Variants in CSMD1 observed in about 807,000 individuals in gnomAD.
CSMD1 encodes the protein CUB and sushi domain-containing protein 1.
A neutral mutation model predicts 417.5 loss-of-function variants in CSMD1; 213 were observed. The ratio of observed to expected loss-of-function variants is 0.51; its 90% CI spans 0.46 to 0.57. The LOEUF is 0.57. CSMD1 is among the 20% of genes least tolerant of loss of function. CSMD1 has a pLI of 0.00. For missense variants in CSMD1, 6,923 were observed against 4,529.7 expected, an observed-to-expected ratio of 1.53 and a Z score of -15.17; for synonymous variants, 2,862 against 1,736.8, an observed-to-expected ratio of 1.65 and a Z score of -16.11.
At chr8:4,765,983 T>G (rs575492114) in intron 1 of CSMD1, among the ~76,000 whole-genome samples, 2 of 152,274 alleles carry the variant, frequency 1.3e-5, no homozygotes, top group South Asian at 4.1e-4. Flanking sequence ...GATTAAAAAA[T>G]GTATTACATA....
At chr8:3,264,261 T>G (rs764715610) in intron 26 of CSMD1, among the ~76,000 whole-genome samples, 2 of 152,180 alleles carry the variant, frequency 1.3e-5, no homozygotes, top group Non-Finnish European at 2.9e-5. Flanking sequence ...TTATTAACAA[T>G]AAGTACCTGG....
intron 6 of CSMD1, among the ~76,000 whole-genome samples, chr8:3,715,227 T>C (rs1053757003): frequency 1.3e-5 from 2 of 152,190 alleles, no homozygotes; most frequent in Non-Finnish European, 2.9e-5. Flanking sequence ...CCATTAAATT[T>C]CTAAGTAAGC....
chr8:3,334,041 A>T (rs1009933769), intron 23 of CSMD1, among the ~76,000 whole-genome samples: 3 of 152,214 alleles, frequency 2.0e-5, no homozygotes, highest in African/African-American at 7.2e-5. Context: ...ATGCCCTTTT[A>T]TATCTTACTC....
Position 4,718,896 on chromosome 8 carries a change from T to G in CSMD1, c.86-81338A>C, listed in dbSNP as rs570401581. 3.1e-3 allele frequency among the ~76,000 whole-genome samples: 467 copies of G among 152,212 alleles called. 1 individual carries two copies. Among genetic ancestry groups the G allele is most frequent in the Non-Finnish European group, 4.1e-3 (279 of 68,010 alleles). ...TGAATGAAAATACGTATCTTTGAAC[T>G]CTATGACATTGTATTAAAAAATGAG... is the stretch of plus-strand genomic sequence containing the variant. On this transcript the variant is annotated intron_variant, in intron 1 of 69. Coordinates refer to ENST00000635120, the MANE Select transcript of CSMD1 (RefSeq NM_033225.6).
At chr8:3,032,894 T>G (rs1810437187) in intron 50 of CSMD1, among the ~76,000 whole-genome samples, 1 of 152,082 alleles carries the variant, frequency 6.6e-6, no homozygotes. Flanking sequence ...ATTTAAAATT[T>G]TCCTCATAAG....
intron 3 of CSMD1, among the ~76,000 whole-genome samples, chr8:4,262,960 T>G (rs1412099404): frequency 6.6e-6 from 1 of 152,078 alleles, no homozygotes; most frequent in Non-Finnish European, 1.5e-5. Flanking sequence ...GGAAACTGAG[T>G]CTCCAAGTAG....
At chr8:4,008,297 G>A (rs550236872) in intron 4 of CSMD1, among the ~76,000 whole-genome samples, 2 of 152,066 alleles carry the variant, frequency 1.3e-5, no homozygotes, top group African/African-American at 4.8e-5. Flanking sequence ...AACAAATATA[G>A]TTATTCTGTT....
intron 5 of CSMD1, among the ~76,000 whole-genome samples, chr8:3,991,694 T>G (rs2130287080): frequency 6.6e-6 from 1 of 152,166 alleles, no homozygotes; most frequent in East Asian, 1.9e-4. Context: ...AGGATGAGAG[T>G]GGAGTGCCGA....
chr8:3,185,472 T>A (rs1213023151), intron 36 of CSMD1, among the ~76,000 whole-genome samples: 2 of 152,228 alleles, frequency 1.3e-5, no homozygotes, highest in Non-Finnish European at 2.9e-5. Flanking sequence ...CCTGCATTTG[T>A]GTGTAAAATG....
intron 49 of CSMD1, among the ~76,000 whole-genome samples, chr8:3,062,930 T>C (rs1394232932): frequency 3.3e-5 from 5 of 152,182 alleles, no homozygotes; most frequent in African/African-American, 9.6e-5. Context: ...TGTCTTTTTT[T>C]CGGAATATAA....
At chr8:3,751,907 T>A (rs949949542) in intron 6 of CSMD1, among the ~76,000 whole-genome samples, 1 of 152,206 alleles carries the variant, frequency 6.6e-6, no homozygotes, top group African/African-American at 2.4e-5. Context: ...AATCTGTTAA[T>A]CAACCTAACT....
intron 37 of CSMD1, among the ~76,000 whole-genome samples, chr8:3,165,802 C>G (rs1383969712): frequency 6.6e-6 from 1 of 151,946 alleles, no homozygotes; most frequent in Non-Finnish European, 1.5e-5. Context: ...TAAAATAGGG[C>G]AAGAGTGGAG....
chr8:3,846,847 G>A (rs1382699954), intron 5 of CSMD1, among the ~76,000 whole-genome samples: 2 of 151,970 alleles, frequency 1.3e-5, no homozygotes, highest in Non-Finnish European at 2.9e-5. Flanking sequence ...CTAATTTTTT[G>A]TATATTTAGT....
chr8:4,716,829 A>G (rs1050411782), intron 1 of CSMD1, among the ~76,000 whole-genome samples: 6 of 152,180 alleles, frequency 3.9e-5, no homozygotes, highest in African/African-American at 1.4e-4. Context: ...TCTCTTAGCA[A>G]CTAATGAATT....
intron 3 of CSMD1, among the ~76,000 whole-genome samples, chr8:4,281,195 C>T (rs534429644): frequency 9.2e-5 from 14 of 152,060 alleles, no homozygotes; most frequent in Admixed American, 9.2e-4. Context: ...TAAAATGGAC[C>T]TGGAAATATA....
At chr8:4,233,198 A>G (rs1224168510) in intron 3 of CSMD1, among the ~76,000 whole-genome samples, 2 of 152,066 alleles carry the variant, frequency 1.3e-5, no homozygotes, top group Admixed American at 1.3e-4. Flanking sequence ...AAAACATATC[A>G]TTTTCTTCAA....
chr8:3,740,816 C>A (rs1188983019), intron 6 of CSMD1, among the ~76,000 whole-genome samples: 1 of 152,128 alleles, frequency 6.6e-6, no homozygotes, highest in African/African-American at 2.4e-5. Context: ...CTTAGGGAGG[C>A]TATGCAGGCA....
chr8:4,775,268 C>A (rs1266256902), intron 1 of CSMD1, among the ~76,000 whole-genome samples: 1 of 151,998 alleles, frequency 6.6e-6, no homozygotes, highest in African/African-American at 2.4e-5. Flanking sequence ...AGAAAAACTG[C>A]AATGATTACA....
At chr8:4,075,467 T>A (rs1799772880) in intron 3 of CSMD1, among the ~76,000 whole-genome samples, 1 of 152,182 alleles carries the variant, frequency 6.6e-6, no homozygotes, top group African/African-American at 2.4e-5. Flanking sequence ...TGTCCAAATC[T>A]CTTGTTACAG....
Sources: allele counts gnomAD v4.1 joint callset (sites outside exome capture counted in the v4.1 genomes callset), GRCh38; gene constraint gnomAD v4.1.1; transcripts MANE v1.5; gene names NCBI Gene and HGNC (gene_info 2026-07-23, HGNC 2026-07-21).